ANGPT1: variants seen among roughly 807,000 people sequenced by gnomAD.
ANGPT1 encodes angiopoietin 1.
ANGPT1 carries 17 observed loss-of-function variants against 62.2 expected under a neutral mutation model. The observed-to-expected ratio is 0.27, with a 90% CI of 0.19 to 0.41. ANGPT1 has a LOEUF of 0.41. Among genes scored for constraint, ANGPT1 ranks in the 10% least tolerant of loss-of-function variants. The probability of loss-of-function intolerance (pLI) is 1.00; values close to 1 mark genes in which losing one functional copy is unlikely to be tolerated. For synonymous variants in ANGPT1, 199 were observed against 198.9 expected, an observed-to-expected ratio of 1.00 and a Z score of 0.00; for missense variants, 478 against 594.9, an observed-to-expected ratio of 0.80 and a Z score of 2.04.
intron 1 of ANGPT1, among the ~76,000 whole-genome samples, chr8:107,404,320 A>G (rs2130339474): frequency 6.6e-6 from 1 of 152,296 alleles, no homozygotes; most frequent in Non-Finnish European, 1.5e-5. Flanking sequence ...CCATAGAAGA[A>G]TAAAAGTTCA....
At chr8:107,377,233 G>A (rs1406048886) in intron 1 of ANGPT1, among the ~76,000 whole-genome samples, 2 of 152,104 alleles carry the variant, frequency 1.3e-5, no homozygotes, top group African/African-American at 2.4e-5. Flanking sequence ...TTTTAATGTT[G>A]AAATATAGTT....
intron 4 of ANGPT1, among the ~76,000 whole-genome samples, chr8:107,314,693 C>A (rs904269773): frequency 6.6e-6 from 1 of 152,156 alleles, no homozygotes; most frequent in African/African-American, 2.4e-5. Flanking sequence ...TAAATGGAAA[C>A]AAGTACTCAC....
chr8:107,437,834 GAAAAAA>G (rs966440020), intron 1 of ANGPT1, among the ~76,000 whole-genome samples: 2 of 148,358 alleles, frequency 1.3e-5, no homozygotes, highest in Non-Finnish European at 3.0e-5. Flanking sequence ...AAAAGAAAAA[GAAAAAA>G]AAAACTTTAG....
At chr8:107,286,016 G>A (rs1014073411) in intron 6 of ANGPT1, among the ~76,000 whole-genome samples, 7 of 152,138 alleles carry the variant, frequency 4.6e-5, no homozygotes, top group Non-Finnish European at 2.9e-5. Flanking sequence ...ATGGAGGTAA[G>A]GAGGAAGGAA....
At chr8:107,337,119 C>T (rs1178323983) in intron 2 of ANGPT1, among the ~76,000 whole-genome samples, 1 of 152,174 alleles carries the variant, frequency 6.6e-6, no homozygotes, top group Non-Finnish European at 1.5e-5. Flanking sequence ...CATCACTTTA[C>T]AAATGAGAAA....
chr8:107,341,348 A>C (rs1586239505), intron 2 of ANGPT1, among the ~76,000 whole-genome samples: 1 of 152,148 alleles, frequency 6.6e-6, no homozygotes, highest in Non-Finnish European at 1.5e-5. Context: ...ACGTGAAATG[A>C]TTGACAAAAC....
intron 3 of ANGPT1, among the ~76,000 whole-genome samples, chr8:107,333,859 G>A (rs1156795912): frequency 6.7e-6 from 1 of 149,954 alleles, no homozygotes; most frequent in African/African-American, 2.5e-5. Flanking sequence ...ATGATGGGAA[G>A]ACAAGAAAAT....
At chr8:107,450,637 T>C (rs1811746401) in intron 1 of ANGPT1, among the ~76,000 whole-genome samples, 1 of 151,516 alleles carries the variant, frequency 6.6e-6, no homozygotes, top group Non-Finnish European at 1.5e-5. Flanking sequence ...AAGAAAAAAG[T>C]TCTGAAAAAT....
At chr8:107,300,665 C>A (rs1482788607) in intron 5 of ANGPT1, among the ~76,000 whole-genome samples, 1 of 151,822 alleles carries the variant, frequency 6.6e-6, no homozygotes, top group Non-Finnish European at 1.5e-5. Flanking sequence ...CTTATGGGTA[C>A]GTATGGGTAT....
At chr8:107,288,114 A>T (rs2130152838) in intron 6 of ANGPT1, among the ~76,000 whole-genome samples, 1 of 152,256 alleles carries the variant, frequency 6.6e-6, no homozygotes, top group South Asian at 2.1e-4. Flanking sequence ...GGGATACTGA[A>T]ATAATTATTT....
chr8:107,497,845 A>G lies in ANGPT1; in HGVS notation c.-287T>C, dbSNP rs1175420593. ...TTTCCTCTCTGTGTGACCGTTCAGC[A>G]TGGAGCCTGCCTGAGTCAGCTGCGT... On this transcript the variant is annotated 5_prime_UTR_variant, in exon 1 of 9. The change abolishes an upstream ATG in the 5' untranslated region. Transcript: ENST00000517746. 27 of 536,240 alleles carry G rather than the reference A, an allele frequency of 5.0e-5. No homozygotes were observed. The highest frequency in any genetic ancestry group is 8.5e-5 in the Non-Finnish European group (26 of 307,312). 33.2% of individuals were successfully genotyped at this position (536,240 alleles called of 1,614,324 possible).
intron 1 of ANGPT1, among the ~76,000 whole-genome samples, chr8:107,377,977 C>A (rs1164169398): frequency 6.6e-6 from 1 of 152,084 alleles, no homozygotes; most frequent in East Asian, 1.9e-4. Flanking sequence ...GCATACACTG[C>A]AGCTTAAGAT....
chr8:107,414,931 C>A (rs1040110780), intron 1 of ANGPT1, among the ~76,000 whole-genome samples: 1 of 152,088 alleles, frequency 6.6e-6, no homozygotes, highest in African/African-American at 2.4e-5. Context: ...AAACTGGTTA[C>A]AATATTAGTA....
At chr8:107,463,450 T>C (rs889373585) in intron 1 of ANGPT1, among the ~76,000 whole-genome samples, 1 of 152,130 alleles carries the variant, frequency 6.6e-6, no homozygotes, top group Non-Finnish European at 1.5e-5. Context: ...TATTATGTAG[T>C]ATAGAAAACT....
At chr8:107,293,086 C>T (rs1194047270) in intron 6 of ANGPT1, among the ~76,000 whole-genome samples, 1 of 152,114 alleles carries the variant, frequency 6.6e-6, no homozygotes, top group Non-Finnish European at 1.5e-5. Context: ...CCTTGCTCAT[C>T]TCTGTTTCCT....
At chr8:107,444,034 G>A (rs1811549228) in intron 1 of ANGPT1, among the ~76,000 whole-genome samples, 1 of 152,134 alleles carries the variant, frequency 6.6e-6, no homozygotes, top group Non-Finnish European at 1.5e-5. Flanking sequence ...TTCAAGAAGA[G>A]TCTATGTCCT....
intron 1 of ANGPT1, among the ~76,000 whole-genome samples, chr8:107,465,264 T>C (rs1812171654): frequency 6.6e-6 from 1 of 152,232 alleles, no homozygotes; most frequent in South Asian, 2.1e-4. Flanking sequence ...AAAAAACAAA[T>C]GCATTGTTAA....
intron 1 of ANGPT1, among the ~76,000 whole-genome samples, chr8:107,482,667 C>T (rs1206041655): frequency 6.6e-5 from 10 of 152,128 alleles, no homozygotes; most frequent in Non-Finnish European, 2.9e-5. Context: ...CAGTCCTGTT[C>T]TCTACCTATT....
intron 1 of ANGPT1, among the ~76,000 whole-genome samples, chr8:107,497,056 C>T (rs1472608073): frequency 2.0e-5 from 3 of 152,136 alleles, no homozygotes; most frequent in Non-Finnish European, 4.4e-5. Context: ...AAACGGGGTG[C>T]CCCCACACAT....
Sources: allele counts gnomAD v4.1 joint callset (sites outside exome capture counted in the v4.1 genomes callset), GRCh38; gene constraint gnomAD v4.1.1; transcripts MANE v1.5; gene names NCBI Gene and HGNC (gene_info 2026-07-23, HGNC 2026-07-21).